Variants in ELFN2 observed in about 807,000 individuals in gnomAD.
ELFN2 encodes the protein protein phosphatase 1 regulatory subunit 29.
ELFN2 carries 17 observed loss-of-function variants against 45.5 expected under a neutral mutation model. That is an observed-to-expected ratio of 0.37 (90% CI 0.26 to 0.56). The LOEUF (loss-of-function observed/expected upper bound fraction) is 0.56, where lower values mean the gene tolerates loss of function less well. ELFN2 is among the 20% of genes least tolerant of loss of function. The pLI, the probability that ELFN2 is intolerant of heterozygous loss-of-function variation, is 0.77. For missense variants in ELFN2, 922 were observed against 1,183.2 expected (o/e 0.78, Z 3.24); for synonymous variants, 550 against 551.5 (o/e 1.00, Z 0.04).
downstream of ELFN2, among the ~76,000 whole-genome samples, chr22:37,365,713 C>T (rs1468960386): frequency 6.6e-6 from 1 of 152,156 alleles, no homozygotes; most frequent in South Asian, 2.1e-4. Flanking sequence ...AGGTCCTTGT[C>T]CCACCTGAAA....
intron 2 of ELFN2, among the ~76,000 whole-genome samples, chr22:37,412,768 G>T (rs1280968729): frequency 2.0e-5 from 3 of 152,226 alleles, no homozygotes; most frequent in Admixed American, 2.0e-4. Flanking sequence ...GGGTGGTCAG[G>T]CTTGCGGAGC....
At chr22:37,410,237 C>T (rs8139356) in intron 2 of ELFN2, among the ~76,000 whole-genome samples, 20,765 of 152,052 alleles carry the variant, frequency 0.14, 1,691 homozygotes, top group Admixed American at 0.27. Context: ...AGAAACAGAA[C>T]GAATGAGCTC....
In ELFN2 at chr22:37,387,693, C is replaced by T. The variant is rs78073166; in HGVS notation, c.-462-11697G>A. 4.1e-3 allele frequency among the ~76,000 whole-genome samples: 620 copies of T among 152,236 alleles called. 4 individuals are homozygous for T. Among genetic ancestry groups the T allele is most frequent in the African/African-American group, 0.014 (594 of 41,536 alleles). ...TTTGCTTTCCCGCGACCTCCCAGGC[C>T]GCGGCCCCTCGGGCTCCTCTGCTTG... On this transcript the variant is annotated intron_variant, in intron 2 of 2. Transcript: ENST00000402918.
At chr22:37,399,580 C>T (rs1331173013) in intron 2 of ELFN2, among the ~76,000 whole-genome samples, 4 of 140,760 alleles carry the variant, frequency 2.8e-5, no homozygotes, top group Admixed American at 7.0e-5. Context: ...CCACCTCCAC[C>T]GACCACGGGG....
In ELFN2 at chr22:37,373,628, G is replaced by A; in HGVS notation, c.1907C>T (p.Ser636Phe). ...RKTCSVSSSG[S>F]IKSAKVFSLD... The stretch of plus-strand genomic sequence containing the variant: ...GCTAAAGACCTTGGCGCTCTTGATG[G>A]AACCACTGGACGACACGCTGCAGGT... Residue 636 changes from serine to phenylalanine, a missense_variant, in exon 3 of 3, where the codon TCC (serine) becomes TTC (phenylalanine). Transcript: ENST00000402918. 6.2e-7 allele frequency: 1 copy of A among 1,600,574 alleles called. No homozygotes were observed. Among genetic ancestry groups the A allele is most frequent in the Non-Finnish European group, 8.5e-7 (1 of 1,174,766 alleles).
intron 2 of ELFN2, among the ~76,000 whole-genome samples, chr22:37,399,591 A>G (rs1932310947): frequency 7.4e-6 from 1 of 135,244 alleles, no homozygotes; most frequent in Admixed American, 7.3e-5. Flanking sequence ...GACCACGGGG[A>G]CCACCAGCCC....
chr22:37,407,067 T>C (rs1168339387), intron 2 of ELFN2, among the ~76,000 whole-genome samples: 1 of 152,226 alleles, frequency 6.6e-6, no homozygotes, highest in Non-Finnish European at 1.5e-5. Context: ...AATTGAGCAA[T>C]GATCAGAGGG....
intron 2 of ELFN2, among the ~76,000 whole-genome samples, chr22:37,390,760 T>C (rs2145657987): frequency 6.6e-6 from 1 of 152,252 alleles, no homozygotes; most frequent in Middle Eastern, 3.4e-3. Flanking sequence ...CCCTCTCCCT[T>C]CTGGGCCTCG....
Position 37,375,506 on chromosome 22 carries a change from G to A in ELFN2, c.29C>T (p.Ala10Val), listed in dbSNP as rs775004957. Residue 10 changes from alanine to valine, a missense_variant, in exon 3 of 3, where the codon GCG (alanine) becomes GTG (valine). Physicochemically the swap from Ala to Val is moderately conservative, Grantham distance 64. This residue lies in a region of ELFN2 where 358 missense variants were observed against 540.4 expected (regional missense o/e 0.66). Transcript: ENST00000402918. Reference protein sequence around the residue: MLRLGLCAAALLCVCRPGAV... With the variant: MLRLGLCAAVLLCVCRPGAV... ...ACCCGGCCGGCACACGCACAGCAGC[G>A]CCGCCGCGCACAGCCCCAGGCGCAG... The A allele has an allele frequency of 1.4e-5, 22 of 1,570,748 alleles. No individual in the cohort carries two copies. The highest frequency in any genetic ancestry group is 1.6e-5 in the Non-Finnish European group (19 of 1,158,370).
intron 2 of ELFN2, among the ~76,000 whole-genome samples, chr22:37,404,767 A>C (rs1932453057): frequency 6.6e-6 from 1 of 152,148 alleles, no homozygotes; most frequent in South Asian, 2.1e-4. Context: ...GCTGGTGCTC[A>C]GGAGCCTGCC....
At chr22:37,427,263 G>T (rs533074300) in intron 1 of ELFN2, 35 bp downstream of exon 1, 2 of 152,124 alleles carry the variant, frequency 1.3e-5, no homozygotes, top group Non-Finnish European at 2.9e-5. Flanking sequence ...CCGGTCGGTC[G>T]GTCGCGGCGC....
intron 1 of ELFN2, among the ~76,000 whole-genome samples, chr22:37,355,656 G>GT (rs1422245295): frequency 6.6e-6 from 1 of 152,208 alleles, no homozygotes; most frequent in Non-Finnish European, 1.5e-5. Flanking sequence ...CTACACTCAA[G>GT]TATCAGCTCC....
downstream of ELFN2, among the ~76,000 whole-genome samples, chr22:37,365,906 G>GAGCACT (rs1373922231): frequency 2.2e-4 from 2 of 9,198 alleles, no homozygotes; most frequent in Admixed American, 1.7e-3. Flanking sequence ...CACGATATCT[G>GAGCACT]AGCACGTGTA....
chr22:37,416,238 G>T (rs1035507230), intron 2 of ELFN2, among the ~76,000 whole-genome samples: 10 of 152,312 alleles, frequency 6.6e-5, no homozygotes, highest in East Asian at 3.9e-4. Context: ...CCTGGGGACT[G>T]GGGGGAGAGA....
chr22:37,385,413 T>A (rs1396360633), intron 2 of ELFN2: 1 of 152,152 alleles, frequency 6.6e-6, no homozygotes, highest in African/African-American at 2.4e-5. Context: ...GGTTTTCACA[T>A]TTTTTTAATC....
chr22:37,419,334 A>AACACAC (rs373846446), intron 1 of ELFN2, among the ~76,000 whole-genome samples: 1 of 150,232 alleles, frequency 6.7e-6, no homozygotes, highest in Non-Finnish European at 1.5e-5. Context: ...ACTATACCCT[A>AACACAC]ACACACACAC....
Position 37,370,123 on chromosome 22 carries a change from C to T in ELFN2, c.*2949G>A, listed in dbSNP as rs1157234689. 6.6e-6 allele frequency: 1 copy of T among 152,254 alleles called. No homozygotes were observed. The highest frequency in any genetic ancestry group is 1.5e-5 in the Non-Finnish European group (1 of 68,080). 9.4% of individuals were successfully genotyped at this position (152,254 alleles called of 1,614,324 possible). The stretch of plus-strand genomic sequence containing the variant: ...CCCCGCTCTGCCTCACAAAGAACCA[C>T]ATGAACTGGGTCTTCAAGGCCAGTT... On this transcript the variant is annotated 3_prime_UTR_variant, in exon 3 of 3. Coordinates refer to ENST00000402918, the MANE Select transcript of ELFN2 (RefSeq NM_052906.5).
chr22:37,379,740 A>G (rs753460305), intron 2 of ELFN2, among the ~76,000 whole-genome samples: 6 of 152,170 alleles, frequency 3.9e-5, no homozygotes, highest in African/African-American at 1.4e-4. Context: ...CAGGGGTCTC[A>G]GTTCAGAGCT....
intron 1 of ELFN2, among the ~76,000 whole-genome samples, chr22:37,351,102 G>C (rs530523723): frequency 3.3e-5 from 5 of 149,902 alleles, no homozygotes; most frequent in Admixed American, 2.7e-4. Flanking sequence ...CCTCCCTTGC[G>C]GTCCCCTGGG....
Sources: gnomAD v4.1 joint callset for allele counts (sites outside exome capture counted in the v4.1 genomes callset) on GRCh38, gnomAD v4.1.1 for gene constraint, gnomAD v4.1.1 regional missense constraint, MANE v1.5 for transcripts, NCBI Gene and HGNC (gene_info 2026-07-23, HGNC 2026-07-21) for gene names.